RUNX2: variants seen among roughly 807,000 people sequenced by gnomAD.
RUNX2 encodes runt-related transcription factor 2.
RUNX2 carries 10 observed loss-of-function variants against 51.7 expected under a neutral mutation model. That is an observed-to-expected ratio of 0.19 (90% confidence interval 0.12 to 0.33). The LOEUF (loss-of-function observed/expected upper bound fraction) is 0.33, where lower values mean the gene tolerates loss of function less well. RUNX2 is among the 10% of genes least tolerant of loss of function. RUNX2 has a pLI of 1.00. For missense variants in RUNX2, 562 were observed against 691.3 expected, an observed-to-expected ratio of 0.81 and a Z score of 2.10; for synonymous variants, 276 against 273.6, an observed-to-expected ratio of 1.01 and a Z score of -0.09.
At chr6:45,449,384 C>T (rs1180727645) in intron 5 of RUNX2, among the ~76,000 whole-genome samples, 2 of 152,162 alleles carry the variant, frequency 1.3e-5, no homozygotes, top group African/African-American at 4.8e-5. Flanking sequence ...TAGACATTAC[C>T]TCAGTGATTC....
intron 5 of RUNX2, among the ~76,000 whole-genome samples, chr6:45,486,584 G>A (rs1002546262): frequency 6.6e-6 from 1 of 152,162 alleles, no homozygotes; most frequent in Non-Finnish European, 1.5e-5. Context: ...TCATGCCCTA[G>A]TGATCAGCAA....
At position 45,518,053 on chromosome 6, in the gene RUNX2, A is replaced by G. The variant is rs532130597; in HGVS notation, c.1021+5646A>G. 6.6e-5 allele frequency among the ~76,000 whole-genome samples: 10 copies of G among 152,374 alleles called. No homozygotes were observed. The South Asian group carries it at 2.1e-3, about 32-fold the overall frequency. Reference sequence around the variant, plus strand: ...GGTTAAAAGGAAAACTTCAGCAATTAATACTAATAAACCAGAAAGTTAAAG... The same window carrying G: ...GGTTAAAAGGAAAACTTCAGCAATTGATACTAATAAACCAGAAAGTTAAAG... On this transcript the variant is annotated intron_variant, in intron 7 of 8. Coordinates refer to ENST00000647337, the MANE Select transcript of RUNX2 (RefSeq NM_001024630.4).
intron 2 of RUNX2, among the ~76,000 whole-genome samples, chr6:45,384,587 T>C (rs1223424123): frequency 1.3e-5 from 2 of 151,894 alleles, no homozygotes; most frequent in African/African-American, 4.8e-5. Context: ...GCCTGGCCAG[T>C]TTTCTAGTTT....
Position 45,414,754 on chromosome 6 carries a change from C to CTTTTTTTTTTTTTTTT in RUNX2, c.59-7824_59-7809dup, listed in dbSNP as rs34672680. On this transcript the variant is annotated intron_variant, in intron 2 of 8. Coordinates refer to ENST00000647337, the MANE Select transcript of RUNX2 (RefSeq NM_001024630.4). The stretch of plus-strand genomic sequence containing the variant: ...ATCTCTCCACCTTCCCAGATCCTGG[C>CTTTTTTTTTTTTTTTT]TTTTTTTTTTTTTTTTTTTTTTTTT... Among the ~76,000 whole-genome samples, 10 of 33,448 alleles carry CTTTTTTTTTTTTTTTT rather than the reference C, an allele frequency of 3.0e-4. 3 individuals are homozygous for CTTTTTTTTTTTTTTTT. Among genetic ancestry groups the CTTTTTTTTTTTTTTTT allele is most frequent in the East Asian group, 2.4e-3 (2 of 830 alleles). The allele number at this position is 33,448 out of a possible 152,430, so 21.9% of individuals were successfully genotyped here. A position where few individuals can be genotyped will look rare whatever the true frequency, so the allele number is the denominator to read the frequency against.
At chr6:45,434,011 G>T (rs1798614403) in intron 4 of RUNX2, among the ~76,000 whole-genome samples, 2 of 152,178 alleles carry the variant, frequency 1.3e-5, no homozygotes, top group Admixed American at 6.5e-5. Flanking sequence ...TGGAGAAATT[G>T]GTCCAGACTT....
At chr6:45,391,704 G>A (rs1797475333) in intron 2 of RUNX2, among the ~76,000 whole-genome samples, 1 of 152,168 alleles carries the variant, frequency 6.6e-6, no homozygotes, top group Non-Finnish European at 1.5e-5. Flanking sequence ...TCACAAGGCA[G>A]CAGGAAAGAG....
intron 2 of RUNX2, among the ~76,000 whole-genome samples, chr6:45,333,403 C>A (rs1156460856): frequency 6.6e-6 from 1 of 151,496 alleles, no homozygotes; most frequent in Admixed American, 6.6e-5. Context: ...AGATTAAATG[C>A]TCTTTTACTG....
intron 5 of RUNX2, among the ~76,000 whole-genome samples, chr6:45,460,491 A>G (rs188394713): frequency 4.3e-4 from 65 of 152,350 alleles, no homozygotes; most frequent in Non-Finnish European, 1.5e-4. Context: ...AGTACAATGA[A>G]TTTAGAAAGT....
chr6:45,454,476 C>G (rs1387540242), intron 5 of RUNX2, among the ~76,000 whole-genome samples: 1 of 152,136 alleles, frequency 6.6e-6, no homozygotes, highest in Non-Finnish European at 1.5e-5. Flanking sequence ...TGCTAAATGC[C>G]TCTCTGCTAA....
chr6:45,406,648 C>T lies in RUNX2; in HGVS notation c.59-15945C>T, dbSNP rs1338814695. Among the ~76,000 whole-genome samples, 7 of 152,256 alleles carry T rather than the reference C, an allele frequency of 4.6e-5. No homozygotes were observed. In the South Asian group the frequency reaches 1.0e-3, roughly 23 times the overall value. ...CTCAAATTCCTGGCCTCAAGTGATC[C>T]GCCCGCCTTGGCCCCCCAAAGTGCT... On this transcript the variant is annotated intron_variant, in intron 2 of 8. Coordinates refer to ENST00000647337, the MANE Select transcript of RUNX2 (RefSeq NM_001024630.4).
At chr6:45,500,313 G>A (rs1454059694) in intron 6 of RUNX2, among the ~76,000 whole-genome samples, 1 of 152,158 alleles carries the variant, frequency 6.6e-6, no homozygotes, top group East Asian at 1.9e-4. Context: ...TCATTTTAAT[G>A]TATGCGAAAG....
intron 6 of RUNX2, among the ~76,000 whole-genome samples, chr6:45,495,218 G>A (rs895919582): frequency 3.3e-5 from 5 of 152,146 alleles, no homozygotes; most frequent in African/African-American, 9.7e-5. Context: ...TTTATTACAG[G>A]GATTTATTTT....
chr6:45,328,603 T>C (rs576070888), intron 1 of RUNX2, 58 bp from the exon 2 acceptor site: 5 of 1,604,460 alleles, frequency 3.1e-6, no homozygotes, highest in East Asian at 4.5e-5. Context: ...ATAAAGTCTA[T>C]GTACTCCAGG....
chr6:45,530,702 C>T (rs1801815298), intron 7 of RUNX2, among the ~76,000 whole-genome samples: 1 of 152,232 alleles, frequency 6.6e-6, no homozygotes, highest in Admixed American at 6.5e-5. Context: ...GCACCTTGAA[C>T]TCTTCTGCTC....
At chr6:45,533,864 A>G (rs953855887) in intron 7 of RUNX2, among the ~76,000 whole-genome samples, 8 of 150,900 alleles carry the variant, frequency 5.3e-5, no homozygotes, top group Non-Finnish European at 8.9e-5. Context: ...TTTTAAAGAA[A>G]TACCGTCCTT....
intron 2 of RUNX2, among the ~76,000 whole-genome samples, chr6:45,332,709 T>C (rs1787757382): frequency 6.6e-6 from 1 of 151,754 alleles, no homozygotes; most frequent in Non-Finnish European, 1.5e-5. Context: ...ATTAAAAATA[T>C]ATAAAAACAT....
chr6:45,370,854 C>T (rs1274076949), intron 2 of RUNX2, among the ~76,000 whole-genome samples: 1 of 152,044 alleles, frequency 6.6e-6, no homozygotes, highest in Non-Finnish European at 1.5e-5. Flanking sequence ...CTTCTTTAGT[C>T]TCACATTAAG....
Position 45,431,731 on chromosome 6 carries a change from C to T in RUNX2, c.424-132C>T. ...ACAACCCATACACAGATGCTTCATT[C>T]CTGTCGGCCATTACTGGACTGGACT... On this transcript the variant is annotated intron_variant, in intron 3 of 8. Transcript: ENST00000647337. 3 of 1,013,494 alleles carry T rather than the reference C, an allele frequency of 3.0e-6. No individual in the cohort carries two copies. In the South Asian group the frequency reaches 3.9e-5, roughly 13 times the overall value. 62.8% of individuals were successfully genotyped at this position (1,013,494 alleles called of 1,614,324 possible).
intron 5 of RUNX2, among the ~76,000 whole-genome samples, chr6:45,447,307 C>T (rs1799030909): frequency 6.6e-6 from 1 of 152,270 alleles, no homozygotes; most frequent in South Asian, 2.1e-4. Flanking sequence ...CTGATGCTTT[C>T]CAGTTCTGAT....
Sources: allele counts gnomAD v4.1 joint callset (sites outside exome capture counted in the v4.1 genomes callset), GRCh38; gene constraint gnomAD v4.1.1; transcripts MANE v1.5; gene names NCBI Gene and HGNC (gene_info 2026-07-23, HGNC 2026-07-21).